FCHSD2: variants seen among roughly 807,000 people sequenced by gnomAD.
FCHSD2 encodes FCH and double SH3 domains 2.
Under a neutral mutation model 108.1 loss-of-function variants are expected in FCHSD2, and 38 were observed. That is an observed-to-expected ratio of 0.35 (90% CI 0.27 to 0.46). The LOEUF is 0.46. Among genes scored for constraint, FCHSD2 ranks in the 20% least tolerant of loss-of-function variants. The pLI is 1.00. For missense variants in FCHSD2, 751 were observed against 897.8 expected, an observed-to-expected ratio of 0.84 and a Z score of 2.09; for synonymous variants, 279 against 314.7, an observed-to-expected ratio of 0.89 and a Z score of 1.20.
At chr11:72,978,995 C>G (rs1187037401) in intron 8 of FCHSD2, among the ~76,000 whole-genome samples, 1 of 151,576 alleles carries the variant, frequency 6.6e-6, no homozygotes, top group Non-Finnish European at 1.5e-5. Context: ...GTAGCTGGGA[C>G]TACAAGTGCA....
intron 8 of FCHSD2, among the ~76,000 whole-genome samples, chr11:72,943,763 A>G (rs1394853895): frequency 6.6e-6 from 1 of 152,236 alleles, no homozygotes; most frequent in Non-Finnish European, 1.5e-5. Context: ...AATAAGATAC[A>G]TAAACATTGT....
intron 8 of FCHSD2, among the ~76,000 whole-genome samples, chr11:72,922,330 C>T (rs1008160632): frequency 6.6e-6 from 1 of 152,044 alleles, no homozygotes; most frequent in Non-Finnish European, 1.5e-5. Context: ...CAATAATCTC[C>T]GTTTTCCCCC....
chr11:72,940,978 A>T (rs908617397), intron 8 of FCHSD2: 1 of 751,452 alleles, frequency 1.3e-6, no homozygotes, highest in African/African-American at 1.7e-5. Context: ...GCACAGGGAG[A>T]TGTGTGGGCT....
intron 4 of FCHSD2, among the ~76,000 whole-genome samples, chr11:73,012,910 C>G (rs541403855): frequency 1.3e-5 from 2 of 152,314 alleles, no homozygotes; most frequent in African/African-American, 4.8e-5. Context: ...TCTCTGAAAT[C>G]TTCCCTACAA....
intron 11 of FCHSD2, among the ~76,000 whole-genome samples, chr11:72,888,975 GA>G (rs2135248678): frequency 6.7e-6 from 1 of 149,808 alleles, no homozygotes; most frequent in Admixed American, 6.7e-5. Context: ...TCTTTTTATT[GA>G]GACAGAGTCT....
chr11:73,005,666 A>G (rs1480819230), intron 4 of FCHSD2, among the ~76,000 whole-genome samples: 1 of 152,012 alleles, frequency 6.6e-6, no homozygotes, highest in Non-Finnish European at 1.5e-5. Flanking sequence ...TTTTGAGATA[A>G]GGTCTTGCTC....
At chr11:73,070,349 C>T (rs1859404094) in intron 3 of FCHSD2, among the ~76,000 whole-genome samples, 1 of 152,212 alleles carries the variant, frequency 6.6e-6, no homozygotes, top group Admixed American at 6.5e-5. Flanking sequence ...TATATCCCAA[C>T]CTTCTCTTGA....
chr11:72,996,407 T>A (rs1265828685), intron 5 of FCHSD2, among the ~76,000 whole-genome samples: 1 of 152,186 alleles, frequency 6.6e-6, no homozygotes, highest in Admixed American at 6.5e-5. Context: ...GGATGGTAAG[T>A]AAACTCTAGT....
intron 3 of FCHSD2, among the ~76,000 whole-genome samples, chr11:73,062,975 A>G (rs1859203341): frequency 6.6e-6 from 1 of 152,192 alleles, no homozygotes; most frequent in Non-Finnish European, 1.5e-5. Flanking sequence ...CAACCCTAAG[A>G]CACATAATCG....
intron 4 of FCHSD2, among the ~76,000 whole-genome samples, chr11:73,009,092 T>C (rs574520294): frequency 2.0e-5 from 3 of 150,056 alleles, no homozygotes; most frequent in South Asian, 2.1e-4. Flanking sequence ...CTAATGCAAA[T>C]TGAGGTTTTA....
chr11:73,055,138 C>T (rs906094084), intron 3 of FCHSD2, among the ~76,000 whole-genome samples: 3 of 151,940 alleles, frequency 2.0e-5, no homozygotes, highest in African/African-American at 2.4e-5. Flanking sequence ...CATCAGATCT[C>T]GAAAGAACTC....
intron 12 of FCHSD2, among the ~76,000 whole-genome samples, chr11:72,878,270 A>G (rs1855010635): frequency 6.6e-6 from 1 of 152,182 alleles, no homozygotes; most frequent in South Asian, 2.1e-4. Flanking sequence ...AGCCTGGGAA[A>G]TATATTGAGA....
intron 12 of FCHSD2, among the ~76,000 whole-genome samples, chr11:72,875,493 CTAATGT>C (rs1854949824): frequency 6.6e-6 from 1 of 152,108 alleles, no homozygotes; most frequent in Admixed American, 6.5e-5. Flanking sequence ...GCCACCACAT[CTAATGT>C]TAAAGTTTTT....
intron 3 of FCHSD2, among the ~76,000 whole-genome samples, chr11:73,078,572 G>A (rs1859608898): frequency 6.6e-6 from 1 of 151,760 alleles, no homozygotes; most frequent in African/African-American, 2.4e-5. Context: ...ACACAGAAGG[G>A]TACATATTCT....
intron 5 of FCHSD2, among the ~76,000 whole-genome samples, chr11:72,990,824 C>G (rs1161120191): frequency 6.6e-6 from 1 of 152,060 alleles, no homozygotes; most frequent in Non-Finnish European, 1.5e-5. Context: ...CAAACACATT[C>G]AAAAGCTAGC....
intron 8 of FCHSD2, among the ~76,000 whole-genome samples, chr11:72,938,283 A>G (rs1351100865): frequency 6.7e-6 from 1 of 149,492 alleles, no homozygotes; most frequent in Non-Finnish European, 1.5e-5. Context: ...TCCTGGGTTC[A>G]AGTGATTCTT....
intron 10 of FCHSD2, chr11:72,900,118 A>G (rs746594006): frequency 8.6e-5 from 46 of 536,934 alleles, no homozygotes; most frequent in Non-Finnish European, 1.4e-4. Context: ...TTAATTTATA[A>G]GAGAAAACAC....
intron 4 of FCHSD2, among the ~76,000 whole-genome samples, chr11:73,006,876 G>A (rs1052081061): frequency 2.6e-5 from 4 of 152,194 alleles, no homozygotes; most frequent in African/African-American, 9.7e-5. Flanking sequence ...AGGAGAGGAA[G>A]GAATGATGGA....
chr11:73,067,386 G>A (rs896280249), intron 3 of FCHSD2, among the ~76,000 whole-genome samples: 2 of 151,888 alleles, frequency 1.3e-5, no homozygotes, highest in African/African-American at 2.4e-5. Flanking sequence ...CATAGGTGAC[G>A]GGTTGTTGGG....
Sources: gnomAD v4.1 joint callset for allele counts (sites outside exome capture counted in the v4.1 genomes callset) on GRCh38, gnomAD v4.1.1 for gene constraint, MANE v1.5 for transcripts, NCBI Gene and HGNC (gene_info 2026-07-23, HGNC 2026-07-21) for gene names.